Variants in REXO5 observed in about 807,000 individuals in gnomAD.
REXO5 encodes RNA exonuclease 5.
A neutral mutation model predicts 88.5 loss-of-function variants in REXO5; 48 were observed. The ratio of observed to expected loss-of-function variants is 0.54; its 90% CI spans 0.43 to 0.69. The LOEUF (loss-of-function observed/expected upper bound fraction) is 0.69. REXO5 is among the 30% of genes least tolerant of loss of function. The pLI is 0.00. For synonymous variants in REXO5, 311 were observed against 336.5 expected (o/e 0.92, Z 0.83); for missense variants, 749 against 912.2 (o/e 0.82, Z 2.30).
intron 12 of REXO5, among the ~76,000 whole-genome samples, chr16:20,832,534 C>T (rs889264766): frequency 3.5e-4 from 53 of 151,326 alleles, no homozygotes; most frequent in African/African-American, 1.2e-3. Flanking sequence ...TACGTTGAAC[C>T]TAGGTAGCAC....
intron 2 of REXO5, among the ~76,000 whole-genome samples, chr16:20,811,634 A>G (rs2152499689): frequency 6.6e-6 from 1 of 152,324 alleles, no homozygotes; most frequent in African/African-American, 2.4e-5. Context: ...TGGTTCTATC[A>G]TTTATCTGTC....
In REXO5 at chr16:20,844,034, G is replaced by A; in HGVS notation, c.1719+8G>A. ...GATGGTATCTGCATCAAGGTAGGGT[G>A]ACAAGAGAAAGCCCCCTTTGCTTGG... On this transcript the variant is annotated splice_region_variant and intron_variant, in intron 16 of 19. Coordinates refer to ENST00000261377, the MANE Select transcript of REXO5 (RefSeq NM_030941.3). 2.6e-6 allele frequency: 4 copies of A among 1,551,222 alleles called. No individual in the cohort carries two copies. Among genetic ancestry groups the A allele is most frequent in the Non-Finnish European group, 3.6e-6 (4 of 1,122,670 alleles).
rs185824957 is a variant in REXO5 at position 20,846,740 on chromosome 16, T to C, written c.2243+401T>C. Among the ~76,000 whole-genome samples, 697 of 152,330 alleles carry C rather than the reference T, an allele frequency of 4.6e-3. 6 individuals are homozygous for C. The highest frequency in any genetic ancestry group is 0.016 in the African/African-American group (646 of 41,578). On this transcript the variant is annotated intron_variant, in intron 19 of 19. Transcript: ENST00000261377. ...CTTTTCCCCATTGACACCTATGTTT[T>C]AAGAGATAACAGGGCCTGGTTTGCT...
chr16:20,823,648 G>A (rs1475663454), intron 6 of REXO5: 1 of 152,122 alleles, frequency 6.6e-6, no homozygotes, highest in East Asian at 1.9e-4. Flanking sequence ...ACAGTACCGG[G>A]AATCAGAAAT....
At chr16:20,838,207 G>C (rs1200782562) in intron 13 of REXO5, among the ~76,000 whole-genome samples, 2 of 151,214 alleles carry the variant, frequency 1.3e-5, no homozygotes, top group African/African-American at 4.9e-5. Flanking sequence ...TTCTTTTTTT[G>C]TGCTTTTCCT....
chr16:20,835,679 GC>G (rs1237552962), intron 13 of REXO5, among the ~76,000 whole-genome samples: 1 of 151,664 alleles, frequency 6.6e-6, no homozygotes, highest in Admixed American at 6.6e-5. Context: ...GGCCTCAAGG[GC>G]TCTTTGGGCA....
intron 19 of REXO5, among the ~76,000 whole-genome samples, chr16:20,847,712 C>G (rs1370918457): frequency 1.1e-4 from 17 of 152,114 alleles, no homozygotes; most frequent in Admixed American, 1.1e-3. Flanking sequence ...CTAACAGGAA[C>G]AGGTTAAAAA....
chr16:20,848,601 C>T (rs2081646369), intron 19 of REXO5, among the ~76,000 whole-genome samples: 1 of 152,194 alleles, frequency 6.6e-6, no homozygotes, highest in Non-Finnish European at 1.5e-5. Context: ...TGTTTAAGTT[C>T]ATACATCAGG....
chr16:20,806,754 T>A, intron 1 of REXO5, 49 bp downstream of exon 1: 1 of 1,022,284 alleles, frequency 9.8e-7, no homozygotes, highest in South Asian at 1.7e-5. Context: ...GGCGCGGGTG[T>A]CCAGTCCGCG....
chr16:20,846,508 A>C (rs2081609824), intron 19 of REXO5, among the ~76,000 whole-genome samples, 169 bp downstream of exon 19: 1 of 152,216 alleles, frequency 6.6e-6, no homozygotes, highest in Admixed American at 6.5e-5. Flanking sequence ...TTTCACATTT[A>C]TATGCTCTTG....
intron 11 of REXO5, among the ~76,000 whole-genome samples, 173 bp downstream of exon 11, chr16:20,828,710 C>T (rs1257064692): frequency 1.3e-5 from 2 of 152,026 alleles, no homozygotes; most frequent in African/African-American, 4.8e-5. Flanking sequence ...GGGCAGATCA[C>T]CAGGTCAGGA....
intron 5 of REXO5, among the ~76,000 whole-genome samples, chr16:20,816,530 G>A (rs1350629218): frequency 1.3e-5 from 2 of 152,010 alleles, no homozygotes; most frequent in Admixed American, 6.6e-5. Context: ...TTTGAGAAAC[G>A]GGGCTCCACT....
chr16:20,846,370 C>T (rs774758102), intron 19 of REXO5, 31 bp downstream of exon 19: 1 of 1,520,488 alleles, frequency 6.6e-7, no homozygotes, highest in South Asian at 1.1e-5. Flanking sequence ...CCCTTCAGGA[C>T]TCTGTCCCCT....
Position 20,844,816 on chromosome 16 carries a change from G to A in REXO5, c.1907G>A (p.Ser636Asn), listed in dbSNP as rs757683060. The A allele has an allele frequency of 6.2e-7, 1 of 1,614,118 alleles. No individual in the cohort carries two copies. Among genetic ancestry groups the A allele is most frequent in the Non-Finnish European group, 8.5e-7 (1 of 1,180,014 alleles). Residue 636 changes from serine to asparagine, a missense_variant, in exon 17 of 20, where the codon AGT becomes AAT. By Grantham distance (46) the Ser-to-Asn change is conservative. Transcript: ENST00000261377. Reference protein sequence around the residue: ...EAVILPKDLKSGKQKKYCFLK... With the variant: ...EAVILPKDLKNGKQKKYCFLK... ...GTGATCTTGCCTAAAGATCTTAAAA[G>A]TGGAAAGCAGAAAAAATACTGTTTC...
intron 5 of REXO5, 135 bp downstream of exon 5, chr16:20,816,347 G>T: frequency 6.1e-6 from 4 of 653,772 alleles, no homozygotes; most frequent in Non-Finnish European, 1.0e-5. Context: ...TTTGAAACGG[G>T]GGTCTCACTC....
intron 11 of REXO5, among the ~76,000 whole-genome samples, chr16:20,830,654 AC>A (rs1470898137): frequency 1.2e-4 from 18 of 152,294 alleles, no homozygotes; most frequent in African/African-American, 4.3e-4. Flanking sequence ...GTTCCTTGAC[AC>A]ATACATGTAT....
Position 20,815,002 on chromosome 16 carries a change from C to T in REXO5, c.327C>T (p.His109=). The part of the protein sequence containing the change: ...VFVLQGMSQL[H]FYRFYLEFGC... The stretch of plus-strand genomic sequence containing the variant: ...TTCTGCAGGGAATGAGTCAGCTACA[C>T]TTTTACAGGTTCTATTTGGAGTTTG... Residue 109 remains histidine (H), a synonymous_variant, in exon 4 of 20, where the codon CAC becomes CAT. Coordinates refer to ENST00000261377, the MANE Select transcript of REXO5 (RefSeq NM_030941.3). 6.2e-7 allele frequency: 1 copy of T among 1,613,856 alleles called. No homozygotes were observed. The highest frequency in any genetic ancestry group is 1.3e-5 in the African/African-American group (1 of 75,014).
chr16:20,817,966 C>A (rs924469639), intron 5 of REXO5, among the ~76,000 whole-genome samples: 1 of 152,058 alleles, frequency 6.6e-6, no homozygotes, highest in East Asian at 1.9e-4. Context: ...AAATAATGGT[C>A]TCTTCATATT....
At chr16:20,831,160 A>G (rs1481959921) in intron 11 of REXO5, among the ~76,000 whole-genome samples, 1 of 151,934 alleles carries the variant, frequency 6.6e-6, no homozygotes, top group Non-Finnish European at 1.5e-5. Context: ...GGAAAAAAGA[A>G]TTTTCCATAA....
Sources: allele counts gnomAD v4.1 joint callset (sites outside exome capture counted in the v4.1 genomes callset), GRCh38; gene constraint gnomAD v4.1.1; transcripts MANE v1.5; gene names NCBI Gene and HGNC (gene_info 2026-07-23, HGNC 2026-07-21).